COL8A1: variants seen among roughly 807,000 people sequenced by gnomAD.
COL8A1 encodes the protein collagen alpha-1(VIII) chain.
COL8A1 carries 21 observed loss-of-function variants against 42.7 expected under a neutral mutation model. The observed-to-expected ratio is 0.49, with a 90% CI of 0.35 to 0.71. The LOEUF (loss-of-function observed/expected upper bound fraction) is 0.71, where lower values mean the gene tolerates loss of function less well. Among genes scored for constraint, COL8A1 ranks in the 30% least tolerant of loss-of-function variants. The pLI, the probability that COL8A1 is intolerant of heterozygous loss-of-function variation, is 0.01. For missense variants in COL8A1, 788 were observed against 962.4 expected (o/e 0.82, Z 2.40); for synonymous variants, 367 against 369.1 (o/e 0.99, Z 0.06).
chr3:99,715,162 T>G (rs1939960838), intron 1 of COL8A1, among the ~76,000 whole-genome samples: 2 of 151,926 alleles, frequency 1.3e-5, no homozygotes, highest in Non-Finnish European at 2.9e-5. Flanking sequence ...GGAAGAGAGG[T>G]GACATGATCT....
At chr3:99,686,594 T>G (rs777843633) in intron 1 of COL8A1, among the ~76,000 whole-genome samples, 1 of 152,194 alleles carries the variant, frequency 6.6e-6, no homozygotes, top group Non-Finnish European at 1.5e-5. Flanking sequence ...TAGGAGCAAG[T>G]GGACTGGACC....
chr3:99,733,793 C>A (rs1301982353), intron 1 of COL8A1, among the ~76,000 whole-genome samples: 4 of 151,730 alleles, frequency 2.6e-5, no homozygotes. Context: ...TATTTCTCCA[C>A]ATCCTCTCCA....
intron 1 of COL8A1, among the ~76,000 whole-genome samples, chr3:99,653,228 C>T (rs1047131452): frequency 6.6e-6 from 1 of 152,180 alleles, no homozygotes; most frequent in Non-Finnish European, 1.5e-5. Flanking sequence ...CTTCAAGTGT[C>T]GCTGTCTACG....
intron 1 of COL8A1, among the ~76,000 whole-genome samples, chr3:99,707,926 G>GCAGAGGC (rs1158661457): frequency 1.3e-4 from 19 of 151,800 alleles, no homozygotes; most frequent in African/African-American, 4.3e-4. Flanking sequence ...TTTATTTTTT[G>GCAGAGGC]CAGAGGCAGG....
intron 1 of COL8A1, among the ~76,000 whole-genome samples, chr3:99,718,527 A>G (rs1199465755): frequency 1.3e-5 from 2 of 152,082 alleles, no homozygotes; most frequent in Non-Finnish European, 2.9e-5. Flanking sequence ...GACAGAAGAT[A>G]GGCTACTTCT....
chr3:99,764,253 A>T (rs1941417604), intron 2 of COL8A1, among the ~76,000 whole-genome samples: 1 of 152,166 alleles, frequency 6.6e-6, no homozygotes, highest in Non-Finnish European at 1.5e-5. Flanking sequence ...TCCAATTTAC[A>T]GTAGAGTTCT....
intron 2 of COL8A1, among the ~76,000 whole-genome samples, chr3:99,751,320 G>A (rs1322670548): frequency 6.6e-6 from 1 of 152,154 alleles, no homozygotes; most frequent in Non-Finnish European, 1.5e-5. Context: ...CAATATAGGA[G>A]GCCAAAGCGG....
At chr3:99,734,792 T>A (rs1940650351) in intron 1 of COL8A1, among the ~76,000 whole-genome samples, 1 of 152,118 alleles carries the variant, frequency 6.6e-6, no homozygotes, top group African/African-American at 2.4e-5. Context: ...GCATGGAATG[T>A]TCTTCCATTT....
At chr3:99,664,482 T>TA (rs113465524) in intron 1 of COL8A1, among the ~76,000 whole-genome samples, 55 of 149,112 alleles carry the variant, frequency 3.7e-4, no homozygotes, top group African/African-American at 8.9e-4. Flanking sequence ...TAAAGTATAA[T>TA]AAAAAAAAAA....
chr3:99,743,676 A>G (rs1479329711), intron 1 of COL8A1, among the ~76,000 whole-genome samples: 1 of 152,234 alleles, frequency 6.6e-6, no homozygotes, highest in Non-Finnish European at 1.5e-5. Flanking sequence ...GCCATATTTC[A>G]AGTGCTCAGT....
At chr3:99,767,721 G>C (rs760604237) in intron 2 of COL8A1, among the ~76,000 whole-genome samples, 3 of 152,116 alleles carry the variant, frequency 2.0e-5, no homozygotes, top group Non-Finnish European at 2.9e-5. Context: ...AACATATAAG[G>C]CATCCTGCCA....
chr3:99,708,605 C>T (rs1939748672), intron 1 of COL8A1, among the ~76,000 whole-genome samples: 1 of 152,282 alleles, frequency 6.6e-6, no homozygotes, highest in African/African-American at 2.4e-5. Flanking sequence ...AACTCCTTCA[C>T]ATACTTGAGA....
At chr3:99,678,591 G>GTTGT in intron 1 of COL8A1, 1 of 151,814 alleles carries the variant, frequency 6.6e-6, no homozygotes, top group East Asian at 1.9e-4. Flanking sequence ...GTTTGTTGTT[G>GTTGT]TTGTTTGTTG....
chr3:99,661,921 T>G (rs1309769385), intron 1 of COL8A1, among the ~76,000 whole-genome samples: 1 of 152,190 alleles, frequency 6.6e-6, no homozygotes, highest in Non-Finnish European at 1.5e-5. Context: ...GTCAAATTTA[T>G]GGATAGAGAA....
chr3:99,743,180 T>C (rs1940941490), intron 1 of COL8A1, among the ~76,000 whole-genome samples: 1 of 152,230 alleles, frequency 6.6e-6, no homozygotes, highest in Non-Finnish European at 1.5e-5. Flanking sequence ...CTGTATTTCC[T>C]GCCAGTCTTC....
At chr3:99,652,423 G>A (rs1264973159) in intron 1 of COL8A1, among the ~76,000 whole-genome samples, 3 of 152,148 alleles carry the variant, frequency 2.0e-5, no homozygotes, top group African/African-American at 7.2e-5. Flanking sequence ...TACACATAAG[G>A]CAGTAGAGGC....
rs189497529 is a variant in COL8A1, at chr3:99,798,047, G to C, written c.*1911G>C. On this transcript the variant is annotated 3_prime_UTR_variant, in exon 4 of 4. Coordinates refer to ENST00000652472, the MANE Select transcript of COL8A1 (RefSeq NM_020351.4). ...CAAAAATAAAACCATGAGTTAAGGG[G>C]ATAGATATAGATGGAAAAATACACA... is the stretch of plus-strand genomic sequence containing the variant. 1 of 152,250 alleles carries C rather than the reference G, an allele frequency of 6.6e-6. No homozygotes were observed. Among genetic ancestry groups the C allele is most frequent in the African/African-American group, 2.4e-5 (1 of 41,522 alleles). 9.4% of individuals were successfully genotyped at this position (152,250 alleles called of 1,614,324 possible).
chr3:99,692,668 T>C (rs1939254537), intron 1 of COL8A1, among the ~76,000 whole-genome samples: 1 of 152,372 alleles, frequency 6.6e-6, no homozygotes, highest in East Asian at 1.9e-4. Context: ...CTAGGTACTA[T>C]ACAGTCATGA....
At chr3:99,785,541 A>C (rs375993874) in intron 2 of COL8A1, among the ~76,000 whole-genome samples, 21 of 152,204 alleles carry the variant, frequency 1.4e-4, no homozygotes, top group East Asian at 7.7e-4. Context: ...GTCTGGAGGA[A>C]AGAAGGTGTT....
Sources: allele counts gnomAD v4.1 joint callset (sites outside exome capture counted in the v4.1 genomes callset), GRCh38; gene constraint gnomAD v4.1.1; transcripts MANE v1.5; gene names NCBI Gene and HGNC (gene_info 2026-07-23, HGNC 2026-07-21).